Variants in SNX13 observed in about 807,000 individuals in gnomAD.
SNX13 encodes the protein sorting nexin 13.
A neutral mutation model predicts 133.6 loss-of-function variants in SNX13; 45 were observed. The observed-to-expected ratio is 0.34, with a 90% confidence interval of 0.27 to 0.43. SNX13 has a LOEUF of 0.43. Ranked by LOEUF, SNX13 falls within the 20% of genes least tolerant of loss-of-function variation. SNX13 has a pLI of 1.00. For missense variants in SNX13, 1,032 were observed against 1,145.1 expected (o/e 0.90, Z 1.43); for synonymous variants, 414 against 373.9 (o/e 1.11, Z -1.24).
At chr7:17,890,309 G>A in intron 5 of SNX13, 54 bp downstream of exon 5, 2 of 1,562,178 alleles carry the variant, frequency 1.3e-6, no homozygotes, top group East Asian at 2.3e-5. Context: ...TTTCCTTACT[G>A]GTACAAACCA....
chr7:17,874,149 T>A (rs972950608), intron 7 of SNX13, among the ~76,000 whole-genome samples: 4 of 152,226 alleles, frequency 2.6e-5, no homozygotes. Flanking sequence ...GTAATATAAA[T>A]TGACCCTTGA....
intron 5 of SNX13, among the ~76,000 whole-genome samples, chr7:17,885,137 C>G (rs1190727659): frequency 1.3e-5 from 2 of 151,948 alleles, no homozygotes; most frequent in African/African-American, 4.8e-5. Context: ...GGTATGTGTT[C>G]AACGGAATAT....
intron 20 of SNX13, among the ~76,000 whole-genome samples, chr7:17,805,250 T>TGTGCGCGCGC: frequency 1.9e-4 from 18 of 95,552 alleles, no homozygotes; most frequent in South Asian, 3.0e-4. Flanking sequence ...TGTGTGTGTG[T>TGTGCGCGCGC]GCGTGCGCGC....
Position 17,821,546 on chromosome 7 carries a change from C to T in SNX13, c.1808G>A (p.Ser603Asn). Residue 603 changes from serine to asparagine, a missense_variant, in exon 18 of 26, where the codon AGT becomes AAT. Transcript: ENST00000428135. Reference sequence around the variant, plus strand: ...TCTCATGTGGAAGTCATGGAAGTCACTATAACGACGATAGGTTTTCCACAT... The same window carrying T: ...TCTCATGTGGAAGTCATGGAAGTCATTATAACGACGATAGGTTTTCCACAT... Reference protein sequence around the residue: ...EEMWKTYRRYSDFHDFHMRIT... With the variant: ...EEMWKTYRRYNDFHDFHMRIT... 1 of 1,613,520 alleles carries T rather than the reference C, an allele frequency of 6.2e-7. No individual in the cohort carries two copies. The highest frequency in any genetic ancestry group is 1.7e-4 in the Middle Eastern group (1 of 6,050).
At chr7:17,869,167 C>T (rs10274155) in intron 8 of SNX13, among the ~76,000 whole-genome samples, 3,467 of 152,138 alleles carry the variant, frequency 0.023, 144 homozygotes, top group African/African-American at 0.078. Context: ...GCTTGAAATA[C>T]TCATGCCCTG....
At chr7:17,925,749 A>T (rs1404217522) in intron 1 of SNX13, among the ~76,000 whole-genome samples, 1 of 152,044 alleles carries the variant, frequency 6.6e-6, no homozygotes, top group Admixed American at 6.6e-5. Flanking sequence ...TGCACAGGAC[A>T]ATCTCTCACA....
chr7:17,828,343 T>C (rs78216203), intron 16 of SNX13, among the ~76,000 whole-genome samples: 514 of 151,850 alleles, frequency 3.4e-3, no homozygotes, highest in African/African-American at 0.012. Flanking sequence ...ATTTGCAAAG[T>C]ACTCTTTAAG....
In SNX13 at chr7:17,889,688, G is replaced by A. The variant is rs1796420373; in HGVS notation, c.440+675C>T. The A allele has an allele frequency of 2.0e-5, 3 of 152,040 alleles. No individual in the cohort carries two copies. The East Asian group carries it at 5.8e-4, about 29-fold the overall frequency. 9.4% of individuals were successfully genotyped at this position (152,040 alleles called of 1,614,324 possible). On this transcript the variant is annotated intron_variant, in intron 5 of 25. Transcript: ENST00000428135. Reference sequence around the variant, plus strand: ...ATGAAAGTAAACATAATTTAAACAGGTGTGAAATAGCCTCCCATCAAAAAA... The same window carrying A: ...ATGAAAGTAAACATAATTTAAACAGATGTGAAATAGCCTCCCATCAAAAAA...
intron 9 of SNX13, among the ~76,000 whole-genome samples, chr7:17,857,576 G>A (rs1258584180): frequency 6.6e-6 from 1 of 152,110 alleles, no homozygotes; most frequent in Non-Finnish European, 1.5e-5. Flanking sequence ...CAGAGGTCAG[G>A]AGTTCAAGAC....
Position 17,845,741 on chromosome 7 carries a change from T to C in SNX13, c.1066-47A>G, listed in dbSNP as rs1329578686. On this transcript the variant is annotated intron_variant, in intron 11 of 25. Transcript: ENST00000428135. Reference sequence around the variant, plus strand: ...AGTTAATATTTTATCTAATCATTCATTGTTAAAGATGTGTACATAAATATA... The same window carrying C: ...AGTTAATATTTTATCTAATCATTCACTGTTAAAGATGTGTACATAAATATA... 5 of 1,273,856 alleles carry C rather than the reference T, an allele frequency of 3.9e-6. No individual in the cohort carries two copies. The East Asian group carries it at 7.7e-5, about 20-fold the overall frequency. The allele number at this position is 1,273,856 out of a possible 1,614,324, so 78.9% of individuals were successfully genotyped here. A position where few individuals can be genotyped will look rare whatever the true frequency, so the allele number is the denominator to read the frequency against.
intron 1 of SNX13, among the ~76,000 whole-genome samples, chr7:17,924,441 T>C (rs772121241): frequency 6.6e-6 from 1 of 152,210 alleles, no homozygotes; most frequent in Non-Finnish European, 1.5e-5. Context: ...AGATGCTACT[T>C]GCGCTCACCA....
At chr7:17,801,775 A>G (rs890511443) in intron 21 of SNX13, 116 bp from the exon 22 acceptor site, 2 of 653,906 alleles carry the variant, frequency 3.1e-6, no homozygotes, top group South Asian at 2.9e-5. Context: ...GGTACAATAT[A>G]TAAGCCAAAT....
chr7:17,805,250 T>TGTGCGCGCGCGCGCGC, intron 20 of SNX13, among the ~76,000 whole-genome samples: 6 of 95,560 alleles, frequency 6.3e-5, no homozygotes, highest in African/African-American at 1.3e-4. Flanking sequence ...TGTGTGTGTG[T>TGTGCGCGCGCGCGCGC]GCGTGCGCGC....
At chr7:17,864,811 A>T (rs540606190) in intron 9 of SNX13, among the ~76,000 whole-genome samples, 1 of 140,444 alleles carries the variant, frequency 7.1e-6, no homozygotes, top group African/African-American at 2.7e-5. Context: ...AAGGGAAGAA[A>T]GGGAAGGAGG....
chr7:17,845,821 A>G (rs921547027), intron 11 of SNX13, 127 bp from the exon 12 acceptor site: 4 of 583,596 alleles, frequency 6.9e-6, no homozygotes, highest in Non-Finnish European at 1.2e-5. Flanking sequence ...CTTCTCATGC[A>G]TGTTGTTTCC....
chr7:17,889,422 C>A (rs532473001), intron 5 of SNX13: 1 of 152,128 alleles, frequency 6.6e-6, no homozygotes, highest in Admixed American at 6.5e-5. Context: ...AGGAAAGGGC[C>A]TGAGAGGGCA....
At chr7:17,881,990 T>C (rs1259909798) in intron 5 of SNX13, 3 of 152,220 alleles carry the variant, frequency 2.0e-5, no homozygotes, top group East Asian at 1.9e-4. Context: ...GTTGTCAGTA[T>C]TGATTAAAAT....
chr7:17,805,262 CGCGCATG>C (rs1785151031), intron 20 of SNX13, among the ~76,000 whole-genome samples: 1 of 115,946 alleles, frequency 8.6e-6, no homozygotes, highest in Non-Finnish European at 1.8e-5. Context: ...CGTGCGCGCG[CGCGCATG>C]CATGCACATG....
chr7:17,890,559 A>G (rs1796516474), intron 4 of SNX13, 75 bp from the exon 5 acceptor site: 6 of 1,116,508 alleles, frequency 5.4e-6, no homozygotes, highest in South Asian at 1.8e-5. Flanking sequence ...CTAAAAAAGT[A>G]TGCTGTATCT....
Sources: allele counts gnomAD v4.1 joint callset (sites outside exome capture counted in the v4.1 genomes callset), GRCh38; gene constraint gnomAD v4.1.1; transcripts MANE v1.5; gene names NCBI Gene and HGNC (gene_info 2026-07-23, HGNC 2026-07-21).